The following PLCB1 variants were observed in gnomAD, a reference collection of about 807,000 sequenced individuals.
The protein encoded by PLCB1 is phospholipase C beta 1.
Under a neutral mutation model 161.8 loss-of-function variants are expected in PLCB1, and 46 were observed. The ratio of observed to expected loss-of-function variants is 0.28; its 90% CI spans 0.22 to 0.36. The LOEUF is 0.36. Among genes scored for constraint, PLCB1 ranks in the 10% least tolerant of loss-of-function variants. The pLI is 1.00. For missense variants in PLCB1, 1,016 were observed against 1,472.5 expected, an observed-to-expected ratio of 0.69 and a Z score of 5.07; for synonymous variants, 517 against 503.7, an observed-to-expected ratio of 1.03 and a Z score of -0.35.
intron 2 of PLCB1, among the ~76,000 whole-genome samples, chr20:8,277,429 A>G (rs762741614): frequency 3.4e-4 from 51 of 152,238 alleles, no homozygotes; most frequent in Non-Finnish European, 6.3e-4. Context: ...CTACTCTAAT[A>G]TATTTCTTAG....
intron 31 of PLCB1, chr20:8,802,437 T>C: frequency 2.6e-6 from 1 of 389,446 alleles, no homozygotes; most frequent in East Asian, 4.2e-5. Context: ...TCTTTCTCCA[T>C]TTTGTTTCTC....
At position 8,705,563 on chromosome 20, in the gene PLCB1, C is replaced by T. The variant is rs542649405; in HGVS notation, c.1168-3107C>T. On this transcript the variant is annotated intron_variant, in intron 11 of 31. Coordinates refer to ENST00000338037, the MANE Select transcript of PLCB1 (RefSeq NM_015192.4). ...ATCAGTGGGCAAGGAAAAGAGAGAC[C>T]TGAATTATGCTGTCTGGATGGTAGA... 5.9e-5 allele frequency among the ~76,000 whole-genome samples: 9 copies of T among 152,270 alleles called. No homozygotes were observed. The South Asian group carries it at 1.7e-3, about 28-fold the overall frequency.
chr20:8,583,218 T>C (rs949866533), intron 3 of PLCB1, among the ~76,000 whole-genome samples: 3 of 152,122 alleles, frequency 2.0e-5, no homozygotes, highest in Admixed American at 2.0e-4. Flanking sequence ...TGAGGAGTTT[T>C]TGTTTAATGG....
intron 9 of PLCB1, among the ~76,000 whole-genome samples, chr20:8,678,797 CTG>C (rs1990149119): frequency 6.6e-6 from 1 of 152,200 alleles, no homozygotes; most frequent in Admixed American, 6.5e-5. Context: ...AGAAAGGAAA[CTG>C]GAGCAGAGCT....
At chr20:8,797,889 G>A (rs1984104789) in intron 31 of PLCB1, among the ~76,000 whole-genome samples, 1 of 152,112 alleles carries the variant, frequency 6.6e-6, no homozygotes, top group Non-Finnish European at 1.5e-5. Flanking sequence ...GTAGTTCTCT[G>A]GGTCTTTAAA....
At chr20:8,323,063 C>CTG (rs1299736300) in intron 2 of PLCB1, among the ~76,000 whole-genome samples, 3 of 152,140 alleles carry the variant, frequency 2.0e-5, no homozygotes, top group Admixed American at 2.0e-4. Flanking sequence ...CTATAAATCT[C>CTG]AGTTAACTGA....
chr20:8,474,114 A>C lies in PLCB1; in HGVS notation c.246+102664A>C, dbSNP rs187230883. The stretch of plus-strand genomic sequence containing the variant: ...CCATGCCCCAGTGGCAAAGAGGGGC[A>C]GGACATGAAGATGATTTTATTTATT... On this transcript the variant is annotated intron_variant, in intron 3 of 31. Coordinates refer to ENST00000338037, the MANE Select transcript of PLCB1 (RefSeq NM_015192.4). Among the ~76,000 whole-genome samples the C allele has an allele frequency of 1.7e-3, 265 of 152,356 alleles. 2 individuals are homozygous for C. Among genetic ancestry groups the C allele is most frequent in the Non-Finnish European group, 2.8e-3 (192 of 68,032 alleles).
intron 31 of PLCB1, among the ~76,000 whole-genome samples, chr20:8,868,370 G>A (rs1987498813): frequency 7.3e-6 from 1 of 136,694 alleles, no homozygotes; most frequent in African/African-American, 2.5e-5. Flanking sequence ...GAAGAGGACA[G>A]CAGGTCAATA....
At chr20:8,760,637 A>G (rs1981973522) in intron 25 of PLCB1, among the ~76,000 whole-genome samples, 177 bp downstream of exon 25, 1 of 152,264 alleles carries the variant, frequency 6.6e-6, no homozygotes, top group Non-Finnish European at 1.5e-5. Flanking sequence ...ATATAATCAC[A>G]GAGAAGTAAC....
At chr20:8,199,453 G>C (rs1054405260) in intron 2 of PLCB1, among the ~76,000 whole-genome samples, 17 of 152,130 alleles carry the variant, frequency 1.1e-4, no homozygotes, top group Non-Finnish European at 1.5e-5. Context: ...TGTGCCTATT[G>C]CCATGAATGT....
In PLCB1 at chr20:8,774,591, G is replaced by A. The variant is rs780463144; in HGVS notation, c.2983G>A (p.Ala995Thr). The A allele has an allele frequency of 4.3e-6, 7 of 1,613,814 alleles. No homozygotes were observed. Among genetic ancestry groups the A allele is most frequent in the South Asian group, 3.3e-5 (3 of 91,018 alleles). Residue 995 changes from alanine to threonine, a missense_variant, in exon 27 of 32, where the codon GCT (alanine) becomes ACT (threonine). This residue lies in a region of PLCB1 where 398 missense variants were observed against 445.4 expected (regional missense o/e 0.89). Transcript: ENST00000338037. ...HGSSTIEQDL[A>T]ALDAEMTQKL... The stretch of plus-strand genomic sequence containing the variant: ...TTCATCAACGATTGAGCAAGACCTC[G>A]CTGCTCTGGATGCTGAAATGACCCA...
intron 3 of PLCB1, among the ~76,000 whole-genome samples, chr20:8,626,355 C>T (rs11087812): frequency 0.14 from 21,913 of 151,928 alleles, 1,579 homozygotes; most frequent in Middle Eastern, 0.21. Context: ...TTACTTGCCT[C>T]GAGTTCCTTT....
chr20:8,163,614 C>T (rs536306353), intron 2 of PLCB1, among the ~76,000 whole-genome samples: 1 of 152,254 alleles, frequency 6.6e-6, no homozygotes, highest in African/African-American at 2.4e-5. Flanking sequence ...CATGAGTTGC[C>T]AGCATTTAAA....
At position 8,343,409 on chromosome 20, in the gene PLCB1, A is replaced by T. The variant is rs149097100; in HGVS notation, c.178-27973A>T. On this transcript the variant is annotated intron_variant, in intron 2 of 31. Coordinates refer to ENST00000338037, the MANE Select transcript of PLCB1 (RefSeq NM_015192.4). ...TCTAGGATGGTGCCCCAGAATTTGT[A>T]TCTTTAACAAGTTATCAGGTGATGC... is the stretch of plus-strand genomic sequence containing the variant. Among the ~76,000 whole-genome samples, 16 of 152,318 alleles carry T rather than the reference A, an allele frequency of 1.1e-4. No individual in the cohort carries two copies. In the East Asian group the frequency reaches 2.7e-3, roughly 26 times the overall value.
intron 2 of PLCB1, among the ~76,000 whole-genome samples, chr20:8,184,730 C>T (rs1173424271): frequency 6.7e-6 from 1 of 150,054 alleles, no homozygotes; most frequent in Non-Finnish European, 1.5e-5. Context: ...CCATTTCTTA[C>T]CTATCAGATT....
At chr20:8,539,664 C>CTTTCTTTCTTTCTTTCTTTT (rs1985218429) in intron 3 of PLCB1, among the ~76,000 whole-genome samples, 6 of 93,838 alleles carry the variant, frequency 6.4e-5, no homozygotes, top group African/African-American at 1.7e-4. Context: ...TTCTTTCTTT[C>CTTTCTTTCTTTCTTTCTTTT]TTTCTTTCTT....
intron 3 of PLCB1, among the ~76,000 whole-genome samples, chr20:8,438,750 T>C (rs227142): frequency 0.9 from 136,452 of 152,162 alleles, 61,290 homozygotes; most frequent in East Asian, 0.96. Context: ...TTCAGGTCTT[T>C]GCCCCATTTC....
At chr20:8,550,951 C>T (rs1195128409) in intron 3 of PLCB1, among the ~76,000 whole-genome samples, 1 of 152,102 alleles carries the variant, frequency 6.6e-6, no homozygotes, top group Non-Finnish European at 1.5e-5. Flanking sequence ...TATCAGTTCA[C>T]CAATTTAGAT....
chr20:8,514,062 C>T (rs6055871), intron 3 of PLCB1, among the ~76,000 whole-genome samples: 19,577 of 151,476 alleles, frequency 0.13, 4,118 homozygotes, highest in African/African-American at 0.44. Flanking sequence ...GTATTTTAAA[C>T]CTGTCATTAA....
Sources: allele counts gnomAD v4.1 joint callset (sites outside exome capture counted in the v4.1 genomes callset), GRCh38; gene constraint gnomAD v4.1.1; regional missense constraint gnomAD v4.1.1; transcripts MANE v1.5; gene names NCBI Gene and HGNC (gene_info 2026-07-23, HGNC 2026-07-21).